UBAP1: variants seen among roughly 807,000 people sequenced by gnomAD.
UBAP1 encodes the protein ubiquitin-associated protein 1.
In UBAP1, 5 loss-of-function variants were observed where a neutral mutation model predicts 39.0. That is an observed-to-expected ratio of 0.13 (90% CI 0.07 to 0.27). The LOEUF (loss-of-function observed/expected upper bound fraction) is 0.27, where lower values mean the gene tolerates loss of function less well. Ranked by LOEUF, UBAP1 falls within the 10% of genes least tolerant of loss-of-function variation. The pLI is 1.00. For missense variants in UBAP1, 490 were observed against 608.1 expected, an observed-to-expected ratio of 0.81 and a Z score of 2.04; for synonymous variants, 211 against 225.1, an observed-to-expected ratio of 0.94 and a Z score of 0.56.
chr9:34,247,959 C>T (rs183832340), intron 4 of UBAP1, among the ~76,000 whole-genome samples: 18 of 152,118 alleles, frequency 1.2e-4, no homozygotes, highest in Admixed American at 9.2e-4. Context: ...TGGATTTATG[C>T]CATGTTTACC....
At chr9:34,237,612 G>C (rs1833768623) in intron 3 of UBAP1, among the ~76,000 whole-genome samples, 1 of 152,102 alleles carries the variant, frequency 6.6e-6, no homozygotes, top group Non-Finnish European at 1.5e-5. Flanking sequence ...CTGTCACTCA[G>C]GGTGGAGTCT....
intron 1 of UBAP1, among the ~76,000 whole-genome samples, chr9:34,203,916 T>G (rs1047898647): frequency 3.3e-5 from 5 of 152,256 alleles, no homozygotes; most frequent in African/African-American, 1.2e-4. Flanking sequence ...GGAAACAGAA[T>G]GATACAATCC....
chr9:34,222,730 C>G (rs1423403114), intron 2 of UBAP1, among the ~76,000 whole-genome samples: 1 of 151,364 alleles, frequency 6.6e-6, no homozygotes, highest in Non-Finnish European at 1.5e-5. Flanking sequence ...CCCGGGAGGT[C>G]AAGGCTGCAG....
chr9:34,181,770 T>A (rs1296843890), intron 1 of UBAP1, among the ~76,000 whole-genome samples: 1 of 147,502 alleles, frequency 6.8e-6, no homozygotes, highest in Non-Finnish European at 1.5e-5. Flanking sequence ...AGGAAAAAAA[T>A]TAAACTCTGT....
At chr9:34,208,079 C>G (rs1031942495) in intron 1 of UBAP1, among the ~76,000 whole-genome samples, 15 of 152,046 alleles carry the variant, frequency 9.9e-5, no homozygotes, top group African/African-American at 2.9e-4. Context: ...AAGGAGATAG[C>G]CATATGATTT....
chr9:34,202,112 T>C (rs1025421217), intron 1 of UBAP1, among the ~76,000 whole-genome samples: 5 of 152,066 alleles, frequency 3.3e-5, no homozygotes, highest in African/African-American at 9.7e-5. Flanking sequence ...CTCTTGAGTT[T>C]TTATGGAAGC....
At chr9:34,242,625 C>T (rs1435209455) in intron 4 of UBAP1, among the ~76,000 whole-genome samples, 4 of 152,118 alleles carry the variant, frequency 2.6e-5, no homozygotes, top group Admixed American at 6.6e-5. Context: ...CCACCTCTCA[C>T]GCAATTCTCC....
At chr9:34,246,611 AGT>A (rs1192029369) in intron 4 of UBAP1, among the ~76,000 whole-genome samples, 2 of 152,256 alleles carry the variant, frequency 1.3e-5, no homozygotes, top group Admixed American at 1.3e-4. Flanking sequence ...CTTTGCCAGC[AGT>A]GTGACTAAAG....
At chr9:34,230,972 G>A (rs1833374420) in intron 2 of UBAP1, among the ~76,000 whole-genome samples, 1 of 151,958 alleles carries the variant, frequency 6.6e-6, no homozygotes, top group South Asian at 2.1e-4. Flanking sequence ...GAGCCCAGGA[G>A]TTGGAGACCA....
At chr9:34,190,618 T>C (rs1830658901) in intron 1 of UBAP1, among the ~76,000 whole-genome samples, 1 of 151,132 alleles carries the variant, frequency 6.6e-6, no homozygotes, top group Admixed American at 6.6e-5. Flanking sequence ...GGAATCTTTT[T>C]TCCTTTCTTT....
chr9:34,183,144 CT>C, intron 1 of UBAP1, among the ~76,000 whole-genome samples: 1 of 152,104 alleles, frequency 6.6e-6, no homozygotes, highest in East Asian at 1.9e-4. Flanking sequence ...TAAGAGTAAT[CT>C]TTTTTCCTAC....
At chr9:34,216,642 ATTTTTT>A (rs57204146) in intron 1 of UBAP1, among the ~76,000 whole-genome samples, 5 of 70,186 alleles carry the variant, frequency 7.1e-5, no homozygotes. Flanking sequence ...CACCATGCTA[ATTTTTT>A]TTTTTTTTTT....
chr9:34,197,292 T>C (rs149933166), intron 1 of UBAP1, among the ~76,000 whole-genome samples: 11 of 151,946 alleles, frequency 7.2e-5, no homozygotes, highest in African/African-American at 2.6e-4. Context: ...TTTATTATTT[T>C]GTAAAAATTT....
intron 1 of UBAP1, chr9:34,211,944 T>C (rs1556439): frequency 0.78 from 293,301 of 373,808 alleles, 116,338 homozygotes; most frequent in East Asian, 0.95. Flanking sequence ...AAAAATAGAA[T>C]ATCACTGATA....
intron 6 of UBAP1, 121 bp downstream of exon 6, chr9:34,250,880 A>T (rs778355685): frequency 1.2e-6 from 1 of 802,306 alleles, no homozygotes; most frequent in African/African-American, 1.7e-5. Context: ...AGGTACAAGT[A>T]TTTGAAGGGC....
chr9:34,207,426 T>C (rs1460443746), intron 1 of UBAP1, among the ~76,000 whole-genome samples: 1 of 151,434 alleles, frequency 6.6e-6, no homozygotes, highest in African/African-American at 2.4e-5. Flanking sequence ...AACATGGTAC[T>C]TCAGTTTTCA....
At chr9:34,197,816 C>T (rs1039230598) in intron 1 of UBAP1, among the ~76,000 whole-genome samples, 1 of 152,216 alleles carries the variant, frequency 6.6e-6, no homozygotes, top group Non-Finnish European at 1.5e-5. Context: ...TCCTGAAGTG[C>T]TAGGATTACA....
Position 34,234,207 on chromosome 9 carries a change from T to G in UBAP1, c.35-9T>G, listed in dbSNP as rs761476034. 4.5e-5 allele frequency: 71 copies of G among 1,588,490 alleles called. No homozygotes were observed. Among genetic ancestry groups the G allele is most frequent in the Non-Finnish European group, 5.8e-5 (68 of 1,173,266 alleles). ...TTGCTGATATTTTCTACTTTATTTTTGATTATAGGGACTTTCAGTTACCTT... is the reference window on the plus strand; with the variant it reads ...TTGCTGATATTTTCTACTTTATTTTGGATTATAGGGACTTTCAGTTACCTT... On this transcript the variant is annotated splice_polypyrimidine_tract_variant and intron_variant, in intron 2 of 6. Coordinates refer to ENST00000297661, the MANE Select transcript of UBAP1 (RefSeq NM_016525.5).
intron 1 of UBAP1, among the ~76,000 whole-genome samples, chr9:34,200,209 A>T (rs1831292115): frequency 6.6e-6 from 1 of 152,144 alleles, no homozygotes; most frequent in Non-Finnish European, 1.5e-5. Context: ...GTTATATGAA[A>T]TCAGTATGGA....
Sources: gnomAD v4.1 joint callset for allele counts (sites outside exome capture counted in the v4.1 genomes callset) on GRCh38, gnomAD v4.1.1 for gene constraint, MANE v1.5 for transcripts, NCBI Gene and HGNC (gene_info 2026-07-23, HGNC 2026-07-21) for gene names.